The following VAV1 variants were observed in gnomAD, a reference collection of about 807,000 sequenced individuals.
The protein encoded by VAV1 is vav guanine nucleotide exchange factor 1, also known as proto-oncogene vav.
VAV1 carries 33 observed loss-of-function variants against 128.1 expected under a neutral mutation model. The ratio of observed to expected loss-of-function variants is 0.26; its 90% CI spans 0.20 to 0.34. VAV1 has a LOEUF of 0.34. Among genes scored for constraint, VAV1 ranks in the 10% least tolerant of loss-of-function variants. The pLI, the probability that VAV1 is intolerant of heterozygous loss-of-function variation, is 1.00. For missense variants in VAV1, 715 were observed against 1,093.7 expected (o/e 0.65, Z 4.88); for synonymous variants, 394 against 409.8 (o/e 0.96, Z 0.47).
chr19:6,773,491 C>T (rs548714131), intron 1 of VAV1, among the ~76,000 whole-genome samples: 21 of 152,312 alleles, frequency 1.4e-4, no homozygotes, highest in Admixed American at 1.0e-3. Context: ...CCTTCCTTCC[C>T]CTTACATCTT....
At chr19:6,814,667 C>CCTTCCTTCCTTCCTTCCTTT (rs1971586781) in intron 1 of VAV1, among the ~76,000 whole-genome samples, 15 of 25,122 alleles carry the variant, frequency 6.0e-4, no homozygotes, top group East Asian at 3.4e-3. Flanking sequence ...TTCCTTCCTT[C>CCTTCCTTCCTTCCTTCCTTT]CTTCCTTTCT....
At chr19:6,790,825 C>T (rs372178458) in intron 1 of VAV1, among the ~76,000 whole-genome samples, 7 of 152,270 alleles carry the variant, frequency 4.6e-5, no homozygotes, top group African/African-American at 1.7e-4. Context: ...AAAGTGGTAA[C>T]TTCTGAGTTG....
intron 2 of VAV1, 74 bp from the exon 3 acceptor site, chr19:6,821,548 C>T: frequency 7.6e-6 from 12 of 1,576,986 alleles, no homozygotes; most frequent in Non-Finnish European, 1.0e-5. Flanking sequence ...TCAGACAGAG[C>T]CTTGCAGCTG....
intron 1 of VAV1, among the ~76,000 whole-genome samples, chr19:6,804,186 T>C (rs1413187751): frequency 1.3e-5 from 2 of 151,602 alleles, no homozygotes; most frequent in Admixed American, 6.6e-5. Context: ...ATCCAGAGAA[T>C]GTGACGCACG....
At chr19:6,773,766 CA>C (rs1166967704) in intron 1 of VAV1, among the ~76,000 whole-genome samples, 1 of 152,094 alleles carries the variant, frequency 6.6e-6, no homozygotes, top group Non-Finnish European at 1.5e-5. Flanking sequence ...GAAATATATT[CA>C]AATCCCTATT....
At chr19:6,786,454 C>T (rs1026848859) in intron 1 of VAV1, among the ~76,000 whole-genome samples, 5 of 151,648 alleles carry the variant, frequency 3.3e-5, no homozygotes, top group African/African-American at 4.9e-5. Flanking sequence ...ACAGCAAGCC[C>T]GTCCCTGTAA....
chr19:6,774,592 A>G (rs1395671868), intron 1 of VAV1, among the ~76,000 whole-genome samples: 2 of 144,130 alleles, frequency 1.4e-5, no homozygotes, highest in East Asian at 2.1e-4. Flanking sequence ...CCACCACCAC[A>G]CCTGGCTAAT....
rs557114213 is a variant in VAV1 at position 6,797,634 on chromosome 19, C to T, written c.205-23068C>T. Among the ~76,000 whole-genome samples, 4 of 151,160 alleles carry T rather than the reference C, an allele frequency of 2.6e-5. No homozygotes were observed. In the South Asian group the frequency reaches 6.3e-4, roughly 24 times the overall value. On this transcript the variant is annotated intron_variant, in intron 1 of 26. Transcript: ENST00000602142. ...AGGAGAATTGTTTGAACCCCGGGGG[C>T]AGAGGTTGTTGTGAGCCGAGATCGT...
chr19:6,812,019 A>G (rs531582246), intron 1 of VAV1, among the ~76,000 whole-genome samples: 1 of 152,310 alleles, frequency 6.6e-6, no homozygotes, highest in South Asian at 2.1e-4. Flanking sequence ...CCTTAAATAC[A>G]GTGCCCTGAA....
At chr19:6,811,222 G>C (rs920118164) in intron 1 of VAV1, among the ~76,000 whole-genome samples, 1 of 152,130 alleles carries the variant, frequency 6.6e-6, no homozygotes, top group Non-Finnish European at 1.5e-5. Flanking sequence ...TTTTAGTAGA[G>C]ACAGCATTTC....
rs1972131543 is a variant in VAV1, at chr19:6,833,209, A to G, written c.1534A>G (p.Thr512Ala). Residue 512 changes from threonine to alanine, a missense_variant, in exon 16 of 27, where the codon ACC becomes GCC. Physicochemically the swap from Thr to Ala is moderately conservative, Grantham distance 58. Transcript: ENST00000602142. The part of the protein sequence containing the change: ...AISNIYPENA[T>A]ANGHDFQMFS... The stretch of plus-strand genomic sequence containing the variant: ...CTCCAACATCTATCCGGAGAATGCC[A>G]CCGCCAACGGGCATGACTTCCAGAT... 1 of 1,610,196 alleles carries G rather than the reference A, an allele frequency of 6.2e-7. No homozygotes were observed.
rs774717994 is a variant in VAV1 at position 6,833,301 on chromosome 19, G to A, written c.1610+16G>A. ...TGCTGCTTAGGTGAGAATCTGGGAGGAGGGTCCTGCATACCGGACTTGGTC... is the reference window on the plus strand; with the variant it reads ...TGCTGCTTAGGTGAGAATCTGGGAGAAGGGTCCTGCATACCGGACTTGGTC... On this transcript the variant is annotated intron_variant, in intron 16 of 26. Coordinates refer to ENST00000602142, the MANE Select transcript of VAV1 (RefSeq NM_005428.4). The A allele has an allele frequency of 6.2e-7, 1 of 1,603,394 alleles. No individual in the cohort carries two copies.
intron 6 of VAV1, among the ~76,000 whole-genome samples, chr19:6,823,166 C>T (rs1256215407): frequency 6.8e-6 from 1 of 148,114 alleles, no homozygotes; most frequent in East Asian, 1.9e-4. Context: ...TCTCTCATTG[C>T]CCAGGCTAGA....
At chr19:6,837,774 A>T (rs1972257187) in intron 21 of VAV1, among the ~76,000 whole-genome samples, 1 of 152,076 alleles carries the variant, frequency 6.6e-6, no homozygotes, top group South Asian at 2.1e-4. Flanking sequence ...TTCCTGGAAG[A>T]GTTAAAAGTG....
At chr19:6,774,275 C>A (rs1970569094) in intron 1 of VAV1, among the ~76,000 whole-genome samples, 1 of 151,694 alleles carries the variant, frequency 6.6e-6, no homozygotes, top group Non-Finnish European at 1.5e-5. Flanking sequence ...CTACAGGCGC[C>A]CGCCACCACG....
chr19:6,782,488 G>A (rs965881440), intron 1 of VAV1, among the ~76,000 whole-genome samples: 16 of 151,970 alleles, frequency 1.1e-4, no homozygotes, highest in African/African-American at 3.6e-4. Flanking sequence ...CTAAATGAAC[G>A]AGAGTCATTA....
In VAV1 at chr19:6,775,096, C is replaced by G. The variant is rs549119499; in HGVS notation, c.204+2085C>G. Among the ~76,000 whole-genome samples, 181 of 152,208 alleles carry G rather than the reference C, an allele frequency of 1.2e-3. 1 individual carries two copies. Among genetic ancestry groups the G allele is most frequent in the Middle Eastern group, 3.4e-3 (1 of 294 alleles). Reference sequence around the variant, plus strand: ...GTTTCTTTAGTGCCAGGGGATTACACTGTCCTCAGCTGGGACAGGGCTTCC... The same window carrying G: ...GTTTCTTTAGTGCCAGGGGATTACAGTGTCCTCAGCTGGGACAGGGCTTCC... On this transcript the variant is annotated intron_variant, in intron 1 of 26. Transcript: ENST00000602142.
rs530382349 is a variant in VAV1, at chr19:6,820,056, C to T, written c.205-646C>T. Among the ~76,000 whole-genome samples, 2 of 152,256 alleles carry T rather than the reference C, an allele frequency of 1.3e-5. No individual in the cohort carries two copies. The highest frequency in any genetic ancestry group is 4.1e-4 in the South Asian group (2 of 4,826). On this transcript the variant is annotated intron_variant, in intron 1 of 26. Transcript: ENST00000602142. The surrounding 1 kb of genome is among the most constrained non-coding windows in gnomAD (Gnocchi z 4.4). ...AGGGATGGCCAGGCATGGTGGCTCCCACCTGTAATCTCAGCACTTTAGGAG... is the reference window on the plus strand; with the variant it reads ...AGGGATGGCCAGGCATGGTGGCTCCTACCTGTAATCTCAGCACTTTAGGAG...
chr19:6,812,960 T>C (rs1421727150), intron 1 of VAV1, among the ~76,000 whole-genome samples: 1 of 152,206 alleles, frequency 6.6e-6, no homozygotes, highest in Non-Finnish European at 1.5e-5. Context: ...TTATGCATCA[T>C]ATAACTGAAT....
Sources: allele counts gnomAD v4.1 joint callset (sites outside exome capture counted in the v4.1 genomes callset), GRCh38; gene constraint gnomAD v4.1.1; non-coding constraint Gnocchi (gnomAD v3.1); transcripts MANE v1.5; gene names NCBI Gene and HGNC (gene_info 2026-07-23, HGNC 2026-07-21).